The following FIGN variants were observed in gnomAD, a reference collection of about 807,000 sequenced individuals.
FIGN encodes the protein fidgetin, microtubule severing factor.
Under a neutral mutation model 51.3 loss-of-function variants are expected in FIGN, and 11 were observed. The ratio of observed to expected loss-of-function variants is 0.21; its 90% CI spans 0.13 to 0.35. FIGN has a LOEUF of 0.35. Ranked by LOEUF, FIGN falls within the 10% of genes least tolerant of loss-of-function variation. The pLI, the probability that FIGN is intolerant of heterozygous loss-of-function variation, is 1.00. For synonymous variants in FIGN, 407 were observed against 363.2 expected, an observed-to-expected ratio of 1.12 and a Z score of -1.37; for missense variants, 857 against 943.6, an observed-to-expected ratio of 0.91 and a Z score of 1.20.
intron 2 of FIGN, among the ~76,000 whole-genome samples, chr2:163,689,924 A>C: frequency 6.6e-6 from 1 of 152,170 alleles, no homozygotes; most frequent in East Asian, 1.9e-4. Context: ...TGTAACTAGA[A>C]TACTTGTACT....
At chr2:163,650,429 CAT>C (rs747702191) in intron 2 of FIGN, among the ~76,000 whole-genome samples, 21 of 152,086 alleles carry the variant, frequency 1.4e-4, no homozygotes, top group Admixed American at 2.6e-4. Context: ...TTCTGCGACA[CAT>C]GTGCAGAATG....
At chr2:163,723,918 G>A (rs2105364746) in intron 2 of FIGN, among the ~76,000 whole-genome samples, 1 of 152,262 alleles carries the variant, frequency 6.6e-6, no homozygotes, top group East Asian at 1.9e-4. Flanking sequence ...AATGGTCCTT[G>A]AGCTTTCTAC....
chr2:163,727,687 T>G (rs1266768263), intron 2 of FIGN, among the ~76,000 whole-genome samples: 1 of 152,192 alleles, frequency 6.6e-6, no homozygotes, highest in Non-Finnish European at 1.5e-5. Flanking sequence ...TTTTCCAAGC[T>G]CTTTGATATT....
At position 163,676,434 on chromosome 2, in the gene FIGN, A is replaced by AATAT. The variant is rs202072418; in HGVS notation, c.25+58465_25+58468dup. Among the ~76,000 whole-genome samples the AATAT allele has an allele frequency of 2.2e-3, 147 of 65,836 alleles. 2 individuals carry two copies. Among genetic ancestry groups the AATAT allele is most frequent in the African/African-American group, 3.1e-3 (62 of 20,190 alleles). The allele number at this position is 65,836 out of a possible 152,430, so 43.2% of individuals were successfully genotyped here. On this transcript the variant is annotated intron_variant, in intron 2 of 2. Transcript: ENST00000333129. ...ATTAAAACATCTCATGGATTCCTGGAATATATATATATATATATATATATA... is the reference window on the plus strand; with the variant it reads ...ATTAAAACATCTCATGGATTCCTGGAATATATATATATATATATATATATATATA...
At chr2:163,651,730 C>T (rs770757199) in intron 2 of FIGN, among the ~76,000 whole-genome samples, 4 of 152,150 alleles carry the variant, frequency 2.6e-5, no homozygotes, top group Non-Finnish European at 5.9e-5. Flanking sequence ...TTGGTAGGGC[C>T]TCTAAACTCA....
At chr2:163,683,791 A>G (rs969892268) in intron 2 of FIGN, among the ~76,000 whole-genome samples, 1 of 152,174 alleles carries the variant, frequency 6.6e-6, no homozygotes, top group Non-Finnish European at 1.5e-5. Context: ...GAACCACTGA[A>G]ATAGAAGGGC....
At chr2:163,612,593 A>G (rs1323731794) in intron 2 of FIGN, 1 of 984,798 alleles carries the variant, frequency 1.0e-6, no homozygotes, top group Non-Finnish European at 1.2e-6. Context: ...CTCTGAAAAA[A>G]AAAACAAGCA....
chr2:163,698,690 T>C (rs1684361016), intron 2 of FIGN, among the ~76,000 whole-genome samples: 1 of 152,164 alleles, frequency 6.6e-6, no homozygotes, highest in Non-Finnish European at 1.5e-5. Flanking sequence ...AGAACTTTTG[T>C]AGACTGGTCA....
intron 2 of FIGN, among the ~76,000 whole-genome samples, chr2:163,703,988 T>C (rs1365500198): frequency 1.3e-5 from 2 of 152,106 alleles, no homozygotes; most frequent in African/African-American, 2.4e-5. Context: ...TCCACATTAC[T>C]ATATTAAAAG....
intron 2 of FIGN, among the ~76,000 whole-genome samples, chr2:163,616,166 C>A (rs556292356): frequency 3.9e-5 from 6 of 152,220 alleles, no homozygotes; most frequent in Admixed American, 2.6e-4. Context: ...TAATTACTAA[C>A]CAGTTACTGC....
At chr2:163,641,190 T>C (rs907569535) in intron 2 of FIGN, among the ~76,000 whole-genome samples, 1 of 152,252 alleles carries the variant, frequency 6.6e-6, no homozygotes, top group Non-Finnish European at 1.5e-5. Context: ...ATGCAATGCA[T>C]GTTAATGAAG....
At chr2:163,720,252 C>T (rs1684735976) in intron 2 of FIGN, among the ~76,000 whole-genome samples, 1 of 152,160 alleles carries the variant, frequency 6.6e-6, no homozygotes, top group Non-Finnish European at 1.5e-5. Flanking sequence ...AAATTGGTAT[C>T]TGATTTCACT....
chr2:163,602,798 AT>A lies in FIGN; in HGVS notation c.*6753del, dbSNP rs1164259236. 5.3e-5 allele frequency: 8 copies of A among 152,174 alleles called. No individual in the cohort carries two copies. Among genetic ancestry groups the A allele is most frequent in the Admixed American group, 3.9e-4 (6 of 15,240 alleles). 9.4% of individuals were successfully genotyped at this position (152,174 alleles called of 1,614,324 possible). A position where few individuals can be genotyped will look rare whatever the true frequency, so the allele number is the denominator to read the frequency against. ...ACTAGTTATTCTATATGAAAACTTA[AT>A]TTCCCTGTGGTAGCAAGTATTTATG... On this transcript the variant is annotated 3_prime_UTR_variant, in exon 3 of 3. Coordinates refer to ENST00000333129, the MANE Select transcript of FIGN (RefSeq NM_018086.4).
chr2:163,609,542 A>G lies in FIGN; in HGVS notation c.*10T>C, dbSNP rs1691183450. The G allele has an allele frequency of 6.3e-7, 1 of 1,585,516 alleles. No homozygotes were observed. The highest frequency in any genetic ancestry group is 8.6e-7 in the Non-Finnish European group (1 of 1,166,914). On this transcript the variant is annotated 3_prime_UTR_variant, in exon 3 of 3. Transcript: ENST00000333129. ...AACATTCATTACATTTTTTTTTTCTAAAGAAGTTATCACTGACTGCAACCA... is the reference window on the plus strand; with the variant it reads ...AACATTCATTACATTTTTTTTTTCTGAAGAAGTTATCACTGACTGCAACCA...
rs754581176 is a variant in FIGN, at chr2:163,610,695, C to T, written c.1137G>A (p.Thr379=). 12 of 1,614,076 alleles carry T rather than the reference C, an allele frequency of 7.4e-6. No homozygotes were observed. The highest frequency in any genetic ancestry group is 9.3e-6 in the Non-Finnish European group (11 of 1,180,050). The change falls in exon 3 of 3, where the codon ACG becomes ACA. Residue 379 remains threonine (T), a synonymous_variant. Coordinates refer to ENST00000333129, the MANE Select transcript of FIGN (RefSeq NM_018086.4). The part of the protein sequence containing the change: ...AETSSLAFKP[T]KQLMSSEQQR... The stretch of plus-strand genomic sequence containing the variant: ...GCTGTTCAGAGGACATTAGCTGCTT[C>T]GTTGGCTTAAATGCTAAGGATGATG...
intron 2 of FIGN, among the ~76,000 whole-genome samples, chr2:163,686,459 T>C (rs1684150515): frequency 6.6e-6 from 1 of 152,158 alleles, no homozygotes; most frequent in Non-Finnish European, 1.5e-5. Context: ...AGTGGTACTT[T>C]GATGAGCAGT....
intron 2 of FIGN, among the ~76,000 whole-genome samples, chr2:163,669,408 G>A (rs945555938): frequency 6.6e-6 from 1 of 152,116 alleles, no homozygotes. Flanking sequence ...TTGAGACAGG[G>A]TCTTCCTATG....
At chr2:163,735,130 CAGG>C (rs1304864234) in intron 1 of FIGN, 58 bp from the exon 2 acceptor site, 3 of 540,486 alleles carry the variant, frequency 5.6e-6, no homozygotes, top group South Asian at 2.5e-5. Context: ...TCTCAGATCA[CAGG>C]AGAAGAAAGA....
At chr2:163,701,985 A>G (rs1367401888) in intron 2 of FIGN, among the ~76,000 whole-genome samples, 2 of 152,154 alleles carry the variant, frequency 1.3e-5, no homozygotes, top group East Asian at 1.9e-4. Flanking sequence ...GATTTGTACC[A>G]TCAGTGCTGG....
Sources: allele counts gnomAD v4.1 joint callset (sites outside exome capture counted in the v4.1 genomes callset), GRCh38; gene constraint gnomAD v4.1.1; transcripts MANE v1.5; gene names NCBI Gene and HGNC (gene_info 2026-07-23, HGNC 2026-07-21).